The following GOLGB1 variants were observed in gnomAD, a reference collection of about 807,000 sequenced individuals.
GOLGB1 encodes golgin B1, also known as golgin subfamily B member 1.
In GOLGB1, 174 loss-of-function variants were observed where a neutral mutation model predicts 336.9. That is an observed-to-expected ratio of 0.52 (90% CI 0.46 to 0.59). The LOEUF (loss-of-function observed/expected upper bound fraction) is 0.59, where lower values mean the gene tolerates loss of function less well. Among genes scored for constraint, GOLGB1 ranks in the 20% least tolerant of loss-of-function variants. GOLGB1 has a pLI of 0.00. For missense variants in GOLGB1, 3,331 were observed against 3,645.3 expected (o/e 0.91, Z 2.22); for synonymous variants, 1,208 against 1,289.2 (o/e 0.94, Z 1.35).
chr3:121,676,531 G>C (rs963956288), intron 17 of GOLGB1, among the ~76,000 whole-genome samples: 4 of 152,328 alleles, frequency 2.6e-5, no homozygotes, highest in Middle Eastern at 3.4e-3. Context: ...TGCCACTAAA[G>C]AATATTTTGA....
intron 11 of GOLGB1, among the ~76,000 whole-genome samples, chr3:121,700,554 T>A (rs79258785): frequency 2.0e-5 from 3 of 151,992 alleles, no homozygotes; most frequent in Non-Finnish European, 2.9e-5. Context: ...TTTTTTACAC[T>A]GTATCCAAAT....
At chr3:121,688,451 G>GT (rs1447076893) in intron 14 of GOLGB1, among the ~76,000 whole-genome samples, 1 of 152,256 alleles carries the variant, frequency 6.6e-6, no homozygotes, top group Admixed American at 6.5e-5. Flanking sequence ...GCCTCCCGAG[G>GT]TGCCGGGATT....
Position 121,691,828 on chromosome 3 carries a change from C to T in GOLGB1, c.7536G>A (p.Lys2512=), listed in dbSNP as rs758367962. 12 of 1,613,000 alleles carry T rather than the reference C, an allele frequency of 7.4e-6. No homozygotes were observed. The African/African-American group carries it at 1.5e-4, about 20-fold the overall frequency. ...TCAAGCCTCGTATTTCTTCTTTAAG[C>T]TTATTATTCTCTGCAGCAGCCTCTT... is the stretch of plus-strand genomic sequence containing the variant. ...LIQEAAAENN[K]LKEEIRGLRS... Residue 2512 remains lysine (K), a synonymous_variant, in exon 14 of 22, where the codon AAG becomes AAA. Coordinates refer to ENST00000614479, the MANE Select transcript of GOLGB1 (RefSeq NM_001366282.2).
In GOLGB1 at chr3:121,695,300, T is replaced by G. The variant is rs747029339; in HGVS notation, c.5223A>C (p.Glu1741Asp). The G allele has an allele frequency of 9.3e-6, 15 of 1,613,924 alleles. No homozygotes were observed. The highest frequency in any genetic ancestry group is 1.3e-5 in the Non-Finnish European group (15 of 1,179,990). ...AAGACTGAAACTTCTTAGAAAGGGT[T>G]TCATACTCCATTTTGACCCTTTCAA... ...EELERVKMEYETLSKKFQSLM... is the reference protein window; with the variant it reads ...EELERVKMEYDTLSKKFQSLM... Residue 1741 changes from glutamate (E) to aspartate (D), a missense_variant, in exon 13 of 22, where the codon GAA becomes GAC. By Grantham distance (45) the Glu-to-Asp change is conservative. Coordinates refer to ENST00000614479, the MANE Select transcript of GOLGB1 (RefSeq NM_001366282.2).
Position 121,722,304 on chromosome 3 carries a change from T to A in GOLGB1, c.606A>T (p.Leu202Phe). ...LQEKEEFIST[L>F]QAQLSQTQAE... ...CCTGTGTCTGGCTGAGCTGGGCTTG[T>A]AAAGTGCTAATGAATTCTTCCTTCT... The change falls in exon 6 of 22, where the codon TTA (leucine) becomes TTT (phenylalanine). Residue 202 changes from leucine to phenylalanine, a missense_variant. Transcript: ENST00000614479. 6.2e-7 allele frequency: 1 copy of A among 1,612,968 alleles called. No individual in the cohort carries two copies. Among genetic ancestry groups the A allele is most frequent in the Non-Finnish European group, 8.5e-7 (1 of 1,178,976 alleles).
chr3:121,693,081 T>A (rs773336548), intron 13 of GOLGB1, among the ~76,000 whole-genome samples: 1 of 152,146 alleles, frequency 6.6e-6, no homozygotes, highest in Non-Finnish European at 1.5e-5. Flanking sequence ...CTAAGAGGTA[T>A]ATGCAGTATG....
chr3:121,739,605 A>C (rs1946715124), intron 1 of GOLGB1, among the ~76,000 whole-genome samples: 4 of 152,160 alleles, frequency 2.6e-5, no homozygotes, highest in Non-Finnish European at 5.9e-5. Flanking sequence ...AAACCATGTC[A>C]TTAAAAAAAA....
intron 4 of GOLGB1, 179 bp downstream of exon 4, chr3:121,729,009 T>C (rs1945873903): frequency 7.1e-6 from 3 of 420,842 alleles, no homozygotes; most frequent in Non-Finnish European, 1.3e-5. Context: ...ACATCTTTCA[T>C]TCTCCCTGTG....
At chr3:121,747,287 A>ATATATGTGTATATATGTATATATG (rs1947386854) in intron 1 of GOLGB1, among the ~76,000 whole-genome samples, 2 of 110,056 alleles carry the variant, frequency 1.8e-5, no homozygotes, top group Non-Finnish European at 3.8e-5. Context: ...GTATATATGT[A>ATATATGTGTATATATGTATATATG]TATATATGTG....
chr3:121,670,494 A>G (rs1348848326), intron 17 of GOLGB1, among the ~76,000 whole-genome samples: 1 of 152,190 alleles, frequency 6.6e-6, no homozygotes, highest in African/African-American at 2.4e-5. Flanking sequence ...TTAGCTGAAA[A>G]TTGCTCTTCA....
intron 1 of GOLGB1, among the ~76,000 whole-genome samples, chr3:121,742,197 C>G (rs756845452): frequency 2.0e-5 from 3 of 152,118 alleles, no homozygotes; most frequent in Non-Finnish European, 2.9e-5. Flanking sequence ...GGAGGCATCA[C>G]GCTACCTGAC....
At chr3:121,709,684 G>T (rs745966606) in intron 10 of GOLGB1, among the ~76,000 whole-genome samples, 1 of 152,130 alleles carries the variant, frequency 6.6e-6, no homozygotes, top group Non-Finnish European at 1.5e-5. Flanking sequence ...AGAGGGAACT[G>T]TGTTAACTTT....
intron 1 of GOLGB1, among the ~76,000 whole-genome samples, chr3:121,745,555 T>C (rs902434748): frequency 5.3e-4 from 80 of 151,886 alleles, no homozygotes; most frequent in African/African-American, 1.7e-3. Context: ...TACATATGTA[T>C]ACGTGTATGT....
intron 7 of GOLGB1, 147 bp from the exon 8 acceptor site, chr3:121,718,648 TC>T (rs529840007): frequency 3.3e-6 from 2 of 608,574 alleles, no homozygotes; most frequent in African/African-American, 1.9e-5. Flanking sequence ...CATGCCATGC[TC>T]CCCCCATCCA....
In GOLGB1 at chr3:121,719,784, A is replaced by G. The variant is rs1945050286; in HGVS notation, c.649-16T>C. The G allele has an allele frequency of 6.3e-7, 1 of 1,584,356 alleles. No homozygotes were observed. Among genetic ancestry groups the G allele is most frequent in the Non-Finnish European group, 8.6e-7 (1 of 1,166,344 alleles). On this transcript the variant is annotated splice_polypyrimidine_tract_variant and intron_variant, in intron 6 of 21. Transcript: ENST00000614479. ...TGGAACTCAACTGAAGACACATACCAGAGAAACTATGCAAGTTACACTCCC... is the reference window on the plus strand; with the variant it reads ...TGGAACTCAACTGAAGACACATACCGGAGAAACTATGCAAGTTACACTCCC...
intron 11 of GOLGB1, among the ~76,000 whole-genome samples, chr3:121,700,718 C>T (rs893118974): frequency 2.6e-5 from 4 of 151,994 alleles, no homozygotes; most frequent in African/African-American, 9.7e-5. Context: ...CACCTGAGAA[C>T]ATTTGTACTG....
intron 10 of GOLGB1, among the ~76,000 whole-genome samples, chr3:121,705,893 C>A (rs1245848145): frequency 6.6e-6 from 1 of 152,130 alleles, no homozygotes; most frequent in Non-Finnish European, 1.5e-5. Context: ...AAGGTCTTGC[C>A]TCAGGAGTAT....
chr3:121,697,610 C>A lies in GOLGB1; in HGVS notation c.2913G>T (p.Met971Ile). Residue 971 changes from methionine (M) to isoleucine (I), a missense_variant, in exon 13 of 22, where the codon ATG (methionine) becomes ATT (isoleucine). Coordinates refer to ENST00000614479, the MANE Select transcript of GOLGB1 (RefSeq NM_001366282.2). The part of the protein sequence containing the change: ...SSGLKQNYDE[M>I]SPAGQISKEE... Reference sequence around the variant, plus strand: ...CCTTACTTATTTGTCCTGCTGGGCTCATCTCATCATAATTTTGTTTAAGGC... The same window carrying A: ...CCTTACTTATTTGTCCTGCTGGGCTAATCTCATCATAATTTTGTTTAAGGC... The A allele has an allele frequency of 6.2e-7, 1 of 1,613,018 alleles. No homozygotes were observed. The highest frequency in any genetic ancestry group is 8.5e-7 in the Non-Finnish European group (1 of 1,179,862).
chr3:121,695,210 A>C lies in GOLGB1; in HGVS notation c.5313T>G (p.Asn1771Lys). The stretch of plus-strand genomic sequence containing the variant: ...CCTCTAGGTTAGCTTGTTTAGATAC[A>C]TTACCTTCTATCTGATGCTTTAAAT... ...VQDLKHQIEGNVSKQANLEAT... is the reference protein window; with the variant it reads ...VQDLKHQIEGKVSKQANLEAT... The change falls in exon 13 of 22, where the codon AAT becomes AAG. Residue 1771 changes from asparagine (N) to lysine (K), a missense_variant. Asn to Lys is a moderately conservative substitution (Grantham distance 94). Transcript: ENST00000614479. 1.9e-6 allele frequency: 3 copies of C among 1,612,844 alleles called. No individual in the cohort carries two copies. In the African/African-American group the frequency reaches 4.0e-5, roughly 22 times the overall value.
Sources: allele counts gnomAD v4.1 joint callset (sites outside exome capture counted in the v4.1 genomes callset), GRCh38; gene constraint gnomAD v4.1.1; transcripts MANE v1.5; gene names NCBI Gene and HGNC (gene_info 2026-07-23, HGNC 2026-07-21).